MYO1H: variants seen among roughly 807,000 people sequenced by gnomAD.
MYO1H encodes the protein myosin IH.
A neutral mutation model predicts 149.3 loss-of-function variants in MYO1H; 118 were observed. The ratio of observed to expected loss-of-function variants is 0.79; its 90% confidence interval spans 0.68 to 0.92. The LOEUF (loss-of-function observed/expected upper bound fraction) is 0.92, where lower values mean the gene tolerates loss of function less well. Ranked by LOEUF, MYO1H falls within the 40% of genes least tolerant of loss-of-function variation. MYO1H has a pLI of 0.00. For missense variants in MYO1H, 1,212 were observed against 1,280.7 expected (o/e 0.95, Z 0.82); for synonymous variants, 447 against 465.2 (o/e 0.96, Z 0.50).
chr12:109,435,367 T>C (rs1871816275), intron 21 of MYO1H, among the ~76,000 whole-genome samples: 1 of 152,092 alleles, frequency 6.6e-6, no homozygotes, highest in African/African-American at 2.4e-5. Context: ...CAGATTCTGT[T>C]GTTCACTACT....
chr12:109,408,988 G>A (rs1592800222), intron 10 of MYO1H, among the ~76,000 whole-genome samples: 2 of 151,782 alleles, frequency 1.3e-5, no homozygotes, highest in African/African-American at 4.8e-5. Context: ...ATGGGGTTTC[G>A]CCATGTTGGC....
At chr12:109,403,105 A>T (rs1478243778) in intron 6 of MYO1H, among the ~76,000 whole-genome samples, 1 of 152,164 alleles carries the variant, frequency 6.6e-6, no homozygotes, top group African/African-American at 2.4e-5. Context: ...TTGGAGAGGG[A>T]CTGATTTGCA....
chr12:109,354,857 G>C (rs770907286), intron 1 of MYO1H, among the ~76,000 whole-genome samples: 2 of 152,172 alleles, frequency 1.3e-5, no homozygotes, highest in Non-Finnish European at 2.9e-5. Context: ...TTTGGTTTCA[G>C]TGTCTGCCTA....
chr12:109,326,508 ATTTTATTTTATTTTATTTTATT>A, the MYO1H span, among the ~76,000 whole-genome samples: 8 of 97,744 alleles, frequency 8.2e-5, no homozygotes, highest in African/African-American at 3.4e-4. Context: ...ATTTTATTTT[ATTTTATTTTATTTTATTTTATT>A]TTATTTTTTG....
At position 109,363,099 on chromosome 12, in the gene MYO1H, C is replaced by T. The variant is rs112502148; in HGVS notation, c.12+15127C>T. Among the ~76,000 whole-genome samples, 368 of 152,360 alleles carry T rather than the reference C, an allele frequency of 2.4e-3. 2 individuals are homozygous for T. The highest frequency in any genetic ancestry group is 8.4e-3 in the African/African-American group (351 of 41,582). ...TTAGGCACTTCCTTCCTCACCAGCACATTTGATATGCATCCTTTAATATGC... is the reference window on the plus strand; with the variant it reads ...TTAGGCACTTCCTTCCTCACCAGCATATTTGATATGCATCCTTTAATATGC... On this transcript the variant is annotated intron_variant, in intron 1 of 31. Coordinates refer to ENST00000310903, the Ensembl canonical transcript of MYO1H.
the MYO1H span, among the ~76,000 whole-genome samples, chr12:109,318,092 A>G: frequency 6.6e-6 from 1 of 152,242 alleles, no homozygotes; most frequent in African/African-American, 2.4e-5. Flanking sequence ...GTTGGTACAT[A>G]GCTTAAAAAA....
chr12:109,396,046 G>A (rs917645344), intron 3 of MYO1H, among the ~76,000 whole-genome samples: 1 of 151,968 alleles, frequency 6.6e-6, no homozygotes, highest in Non-Finnish European at 1.5e-5. Context: ...AGCCTCCCGA[G>A]TAGCTGGGAT....
chr12:109,327,739 C>CAAAAAAAA, the MYO1H span, among the ~76,000 whole-genome samples: 27 of 85,408 alleles, frequency 3.2e-4, no homozygotes, highest in Admixed American at 5.8e-4. Flanking sequence ...AAAACTGTCT[C>CAAAAAAAA]AAAAAAAAAA....
intron 18 of MYO1H, 127 bp from the exon 19 acceptor site, chr12:109,427,338 TTAAG>T: frequency 2.4e-6 from 1 of 410,928 alleles, no homozygotes; most frequent in East Asian, 4.0e-5. Context: ...AAAAAAAAAA[TTAAG>T]ACCTCACGAA....
exon 25 of MYO1H, chr12:109,440,752 T>C: frequency 6.4e-7 from 1 of 1,561,596 alleles, no homozygotes; most frequent in Non-Finnish European, 8.7e-7. Context: ...AGGCATCAGA[T>C]CTGCTCAGGA....
At chr12:109,444,113 TG>T in intron 28 of MYO1H, 99 bp from the exon 29 acceptor site, 2 of 867,844 alleles carry the variant, frequency 2.3e-6, no homozygotes, top group Non-Finnish European at 3.9e-6. Context: ...GCTAGGAGAA[TG>T]AAGTGTGGTG....
At chr12:109,443,009 A>AAAAAAAT (rs1371725807) in intron 27 of MYO1H, among the ~76,000 whole-genome samples, 2 of 58,496 alleles carry the variant, frequency 3.4e-5, no homozygotes, top group African/African-American at 2.1e-4. Context: ...AAAAAAAAAA[A>AAAAAAAT]ATATATATAT....
chr12:109,400,948 A>G (rs1305163113), intron 5 of MYO1H, 145 bp from the exon 6 acceptor site: 1 of 723,592 alleles, frequency 1.4e-6, no homozygotes, highest in Non-Finnish European at 2.2e-6. Flanking sequence ...AATACTAATG[A>G]CAGAAGATTG....
At chr12:109,341,229 CA>C in the MYO1H span, among the ~76,000 whole-genome samples, 568 of 113,912 alleles carry the variant, frequency 5.0e-3, 3 homozygotes, top group East Asian at 7.1e-3. Flanking sequence ...CGTTCCATCT[CA>C]AAAAAAAAAA....
At chr12:109,322,327 G>C in the MYO1H span, among the ~76,000 whole-genome samples, 1 of 152,062 alleles carries the variant, frequency 6.6e-6, no homozygotes, top group Non-Finnish European at 1.5e-5. Flanking sequence ...AAGAACGAAG[G>C]GGTCCCTGCC....
At chr12:109,333,316 GTC>G in the MYO1H span, among the ~76,000 whole-genome samples, 1 of 151,756 alleles carries the variant, frequency 6.6e-6, no homozygotes, top group Non-Finnish European at 1.5e-5. Flanking sequence ...GTGAAACTCT[GTC>G]TCAAAAAAAA....
chr12:109,435,180 A>G, intron 21 of MYO1H, 67 bp downstream of exon 21: 1 of 1,074,252 alleles, frequency 9.3e-7, no homozygotes, highest in African/African-American at 1.6e-5. Context: ...TTGGGGGTAA[A>G]TCTTAAACAC....
chr12:109,446,725 C>T (rs543426051), intron 31 of MYO1H, among the ~76,000 whole-genome samples: 4 of 152,220 alleles, frequency 2.6e-5, no homozygotes, highest in Non-Finnish European at 2.9e-5. Flanking sequence ...GATCGCACCA[C>T]TACACTCCAG....
At chr12:109,349,506 T>TA (rs1868409692) in intron 1 of MYO1H, among the ~76,000 whole-genome samples, 2 of 128,968 alleles carry the variant, frequency 1.6e-5, no homozygotes, top group South Asian at 4.9e-4. Context: ...CCAAAAAAAT[T>TA]AAAAAGTAGC....
Sources: gnomAD v4.1 joint callset for allele counts (sites outside exome capture counted in the v4.1 genomes callset) on GRCh38, gnomAD v4.1.1 for gene constraint, MANE v1.5 for transcripts, NCBI Gene and HGNC (gene_info 2026-07-23, HGNC 2026-07-21) for gene names.